TMEM164: variants seen among roughly 807,000 people sequenced by gnomAD.
TMEM164 encodes the protein transmembrane protein 164, also known as RP13-360B22.2.
In TMEM164, 4 loss-of-function variants were observed where a neutral mutation model predicts 18.8. The observed-to-expected ratio is 0.21, with a 90% CI of 0.10 to 0.49. The LOEUF (loss-of-function observed/expected upper bound fraction) is 0.49. TMEM164 is among the 20% of genes least tolerant of loss of function. The probability of loss-of-function intolerance (pLI) is 0.98; values close to 1 mark genes in which losing one functional copy is unlikely to be tolerated. For missense variants in TMEM164, 108 were observed against 239.9 expected (o/e 0.45, Z 3.63); for synonymous variants, 86 against 101.7 (o/e 0.85, Z 0.93).
chrX:110,159,106 G>T (rs1167347172), intron 5 of TMEM164, among the ~76,000 whole-genome samples: 4 of 111,677 alleles, frequency 3.6e-5, no homozygotes, highest in Non-Finnish European at 7.5e-5. Context: ...ATAAAATGTG[G>T]TTTGAGCAGT....
intron 4 of TMEM164, among the ~76,000 whole-genome samples, chrX:110,120,402 G>A (rs1221459248): frequency 8.9e-6 from 1 of 112,099 alleles, no homozygotes; most frequent in East Asian, 2.8e-4. Context: ...GGTTCTCAAC[G>A]CTGGCTGCAC....
At chrX:110,050,135 A>G (rs1335345329) in intron 2 of TMEM164, among the ~76,000 whole-genome samples, 1 of 111,929 alleles carries the variant, frequency 8.9e-6, no homozygotes, top group Admixed American at 9.4e-5. Context: ...GTCACTCTGA[A>G]TAAACTCCCC....
intron 2 of TMEM164, among the ~76,000 whole-genome samples, chrX:110,017,834 G>GT (rs1933563689): frequency 9.1e-6 from 1 of 110,023 alleles, no homozygotes; most frequent in Non-Finnish European, 1.9e-5. Flanking sequence ...CTCCCAAAGT[G>GT]CTGGGATTAC....
At chrX:110,020,252 T>G in intron 2 of TMEM164, 1 of 423,468 alleles carries the variant, frequency 2.4e-6, no homozygotes. Context: ...CCTAATTTTT[T>G]AAAAATTAAG....
intron 3 of TMEM164, among the ~76,000 whole-genome samples, chrX:110,074,733 A>G (rs1402650591): frequency 1.8e-5 from 2 of 111,347 alleles, no homozygotes; most frequent in African/African-American, 6.5e-5. Flanking sequence ...CCCATTGTTT[A>G]CTTCTGTTGA....
chrX:110,041,890 G>A (rs945620849), intron 2 of TMEM164, among the ~76,000 whole-genome samples: 1 of 111,390 alleles, frequency 9.0e-6, no homozygotes, highest in South Asian at 3.8e-4. Flanking sequence ...CAAAGATTCC[G>A]CTGTGCCTTG....
chrX:110,163,503 C>G (rs1192237783), intron 5 of TMEM164, among the ~76,000 whole-genome samples: 1 of 111,697 alleles, frequency 9.0e-6, no homozygotes, highest in Non-Finnish European at 1.9e-5. Context: ...TTTCAAGTGC[C>G]CACCAGCTGC....
chrX:110,057,770 C>T (rs1456226882), intron 2 of TMEM164, among the ~76,000 whole-genome samples: 2 of 109,810 alleles, frequency 1.8e-5, no homozygotes, highest in Admixed American at 1.9e-4. Flanking sequence ...TTTCATATAC[C>T]TGTTGTCCAT....
Position 110,157,195 on chromosome X carries a change from CAGA to C in TMEM164, c.586+12329_586+12331del, listed in dbSNP as rs763549575. Among the ~76,000 whole-genome samples, 21 of 111,149 alleles carry C rather than the reference CAGA, an allele frequency of 1.9e-4. 1 individual carries two copies. Among genetic ancestry groups the C allele is most frequent in the Admixed American group, 5.7e-4 (6 of 10,469 alleles). On this transcript the variant is annotated intron_variant, in intron 5 of 6. Coordinates refer to ENST00000372068, the MANE Select transcript of TMEM164 (RefSeq NM_032227.4). The stretch of plus-strand genomic sequence containing the variant: ...GGAACATCAACTTGCAAACAGTAGA[CAGA>C]AGAAGAAGAGTGTAAGGAGATTGCA...
At chrX:110,045,337 GC>G (rs1440238326) in intron 2 of TMEM164, among the ~76,000 whole-genome samples, 2 of 111,950 alleles carry the variant, frequency 1.8e-5, no homozygotes, top group Non-Finnish European at 3.8e-5. Flanking sequence ...GGTAAAGGGG[GC>G]TAAGTTTTTA....
At chrX:110,064,848 T>C (rs973232606) in intron 2 of TMEM164, among the ~76,000 whole-genome samples, 1 of 108,188 alleles carries the variant, frequency 9.2e-6, no homozygotes, top group African/African-American at 3.4e-5. Flanking sequence ...AATAAAAAAA[T>C]TAGCCAGATA....
At chrX:110,114,099 C>G (rs760809375) in intron 4 of TMEM164, among the ~76,000 whole-genome samples, 6 of 111,517 alleles carry the variant, frequency 5.4e-5, no homozygotes, top group Non-Finnish European at 1.1e-4. Flanking sequence ...GTGGGTGTCC[C>G]CAGAACCCAT....
intron 2 of TMEM164, among the ~76,000 whole-genome samples, chrX:110,042,039 A>G (rs1296835558): frequency 8.9e-6 from 1 of 112,067 alleles, no homozygotes; most frequent in Non-Finnish European, 1.9e-5. Context: ...ATAACATACA[A>G]AATTTGCCAT....
intron 4 of TMEM164, among the ~76,000 whole-genome samples, chrX:110,131,585 T>C (rs1377005383): frequency 2.7e-5 from 3 of 111,300 alleles, no homozygotes; most frequent in African/African-American, 9.8e-5. Context: ...TAAGCAGGAA[T>C]GTTAGGCCTG....
At chrX:110,152,618 A>G (rs2066959703) in intron 5 of TMEM164, among the ~76,000 whole-genome samples, 1 of 111,602 alleles carries the variant, frequency 9.0e-6, no homozygotes, top group African/African-American at 3.3e-5. Context: ...TAAATAGTCC[A>G]ACATGATCCA....
At chrX:110,119,187 A>G (rs907568202) in intron 4 of TMEM164, among the ~76,000 whole-genome samples, 8 of 112,692 alleles carry the variant, frequency 7.1e-5, no homozygotes, top group Admixed American at 6.6e-4. Context: ...ATCATCACCA[A>G]TGCAAAGGTG....
chrX:110,100,896 A>G (rs1383632473), intron 3 of TMEM164, among the ~76,000 whole-genome samples: 2 of 110,939 alleles, frequency 1.8e-5, no homozygotes, highest in African/African-American at 3.3e-5. Context: ...GCCAAGTATT[A>G]TTCTTTCTAT....
chrX:110,110,449 A>G (rs2066275204), intron 4 of TMEM164, among the ~76,000 whole-genome samples: 1 of 112,218 alleles, frequency 8.9e-6, no homozygotes. Flanking sequence ...AGTTAAAAAT[A>G]AAATTAAAAA....
At chrX:110,091,933 C>A (rs1350699481) in intron 3 of TMEM164, among the ~76,000 whole-genome samples, 1 of 111,943 alleles carries the variant, frequency 8.9e-6, no homozygotes, top group Admixed American at 9.5e-5. Context: ...ATATGGTTAG[C>A]CAGTTTTCCC....
Sources: gnomAD v4.1 joint callset for allele counts (sites outside exome capture counted in the v4.1 genomes callset) on GRCh38, gnomAD v4.1.1 for gene constraint, MANE v1.5 for transcripts, NCBI Gene and HGNC (gene_info 2026-07-23, HGNC 2026-07-21) for gene names.